FSCN2: variants seen among roughly 807,000 people sequenced by gnomAD.
FSCN2 encodes fascin-2.
In FSCN2, 46 loss-of-function variants were observed where a neutral mutation model predicts 37.8. That is an observed-to-expected ratio of 1.22 (90% confidence interval 0.96 to 1.56). FSCN2 has a LOEUF of 1.56. Among genes scored for constraint, FSCN2 ranks in the 40% most tolerant of loss-of-function variants. FSCN2 has a pLI of 0.00. For synonymous variants in FSCN2, 351 were observed against 309.4 expected, an observed-to-expected ratio of 1.13 and a Z score of -1.41; for missense variants, 844 against 730.4, an observed-to-expected ratio of 1.16 and a Z score of -1.79.
At chr17:81,524,957 CAG>C (rs1279494440), upstream of FSCN2, among the ~76,000 whole-genome samples, 41 of 151,874 alleles carry the variant, frequency 2.7e-4, no homozygotes, top group Middle Eastern at 3.4e-3. Flanking sequence ...CACCCATGGG[CAG>C]AGGCTCAGCC....
At chr17:81,528,151 C>T (rs556570641), upstream of FSCN2, among the ~76,000 whole-genome samples, 130 of 152,266 alleles carry the variant, frequency 8.5e-4, no homozygotes, top group African/African-American at 3.0e-3. Flanking sequence ...TGAAGAGGGG[C>T]GCTGGGCCCA....
the FSCN2 span, among the ~76,000 whole-genome samples, chr17:81,522,084 G>A: frequency 1.3e-5 from 2 of 151,984 alleles, no homozygotes; most frequent in African/African-American, 2.4e-5. Flanking sequence ...TCGGCTCACT[G>A]CAACCTCCGT....
rs376938035 is a variant in FSCN2, at chr17:81,536,267, G to A, written c.1105G>A (p.Gly369Ser). 96 of 1,596,710 alleles carry A rather than the reference G, an allele frequency of 6.0e-5. No homozygotes were observed. Among genetic ancestry groups the A allele is most frequent in the South Asian group, 3.9e-4 (34 of 88,282 alleles). The change falls in exon 3 of 5, where the codon GGC (glycine) becomes AGC (serine). Residue 369 changes from glycine to serine, a missense_variant and splice_region_variant. Gly to Ser is a moderately conservative substitution (Grantham distance 56). Transcript: ENST00000417245. ...GCTGGCGGCTATCAGCGATTTTGTC[G>A]GTGAGCACTCTGCCTGCCAGGTACT... ...GQLAAISDFV[G>S]KDEEFTLKLI...
Position 81,536,619 on chromosome 17 carries a change from C to T in FSCN2, c.1106-3C>T. 2 of 1,608,674 alleles carry T rather than the reference C, an allele frequency of 1.2e-6. No homozygotes were observed. The highest frequency in any genetic ancestry group is 8.5e-7 in the Non-Finnish European group (1 of 1,179,656). On this transcript the variant is annotated splice_polypyrimidine_tract_variant and splice_region_variant and intron_variant, in intron 3 of 4. Transcript: ENST00000417245. ...GCAGCGCAGCAGACGCTCTCCCCGC[C>T]AGGCAAGGACGAAGAGTTCACCCTC...
At chr17:81,532,677 ATGATAG>A (rs1453448624) in intron 1 of FSCN2, among the ~76,000 whole-genome samples, 1 of 146,558 alleles carries the variant, frequency 6.8e-6, no homozygotes, top group Admixed American at 7.4e-5. Flanking sequence ...GGCAATGGTG[ATGATAG>A]TGATGGTGAT....
chr17:81,522,601 C>T, the FSCN2 span, among the ~76,000 whole-genome samples: 26 of 152,340 alleles, frequency 1.7e-4, no homozygotes, highest in Admixed American at 7.2e-4. Context: ...TTGGTTCTTA[C>T]GTGACTGAAC....
the FSCN2 span, among the ~76,000 whole-genome samples, chr17:81,521,504 C>T: frequency 6.6e-6 from 1 of 151,790 alleles, no homozygotes; most frequent in Non-Finnish European, 1.5e-5. Context: ...CCCCAGCAGC[C>T]AGGACTACAG....
chr17:81,528,708 G>A lies in FSCN2; in HGVS notation c.177G>A (p.Leu59=), dbSNP rs782413687. 1.9e-6 allele frequency: 3 copies of A among 1,599,534 alleles called. No individual in the cohort carries two copies. The highest frequency in any genetic ancestry group is 3.3e-4 in the Middle Eastern group (2 of 6,040). Residue 59 remains leucine, a synonymous_variant, in exon 1 of 5, where the codon CTG becomes CTA. Coordinates refer to ENST00000417245, the MANE Select transcript of FSCN2 (RefSeq NM_012418.4). ...ACCCAGGACAAGGCACGGCTGTGCT[G>A]CTCCGCAGCAGCCACCTGGGCCGCT... ...EPDPGQGTAV[L]LRSSHLGRYL...
At chr17:81,526,139 G>A (rs1051788512), upstream of FSCN2, among the ~76,000 whole-genome samples, 3 of 152,354 alleles carry the variant, frequency 2.0e-5, no homozygotes, top group Middle Eastern at 3.4e-3. Flanking sequence ...ATGCCTAAGC[G>A]CCCTGCCAGC....
At chr17:81,531,557 GAT>G (rs2032605751) in intron 1 of FSCN2, among the ~76,000 whole-genome samples, 1 of 145,668 alleles carries the variant, frequency 6.9e-6, no homozygotes, top group Admixed American at 6.9e-5. Flanking sequence ...TGATGGCGAT[GAT>G]GGTGATGATA....
chr17:81,530,691 T>A (rs782084983), intron 1 of FSCN2: 2 of 477,510 alleles, frequency 4.2e-6, no homozygotes, highest in South Asian at 1.5e-5. Context: ...CTGGGTACAC[T>A]GACACTCTGG....
In FSCN2 at chr17:81,531,153, GTGATGGTGA is replaced by G. The variant is rs1431146864; in HGVS notation, c.826+1805_826+1813del. ...TGTGGTGGCAGCAGCGACAATGATG[GTGATGGTGA>G]TGATGGTGGTGATGGTGATGATGGT... On this transcript the variant is annotated intron_variant, in intron 1 of 4. Transcript: ENST00000417245. Among the ~76,000 whole-genome samples the G allele has an allele frequency of 1.9e-4, 28 of 144,554 alleles. No homozygotes were observed. The East Asian group carries it at 2.4e-3, about 13-fold the overall frequency. The allele number at this position is 144,554 out of a possible 152,430, so 94.8% of individuals were successfully genotyped here.
intron 1 of FSCN2, among the ~76,000 whole-genome samples, chr17:81,533,995 CCCAGGCAGCTGCTTTTAGTTCAGTATTTG>C (rs1170808049): frequency 6.6e-6 from 1 of 152,194 alleles, no homozygotes; most frequent in Non-Finnish European, 1.5e-5. Context: ...CTCCACTGGG[CCCAGGCAGCTGCTTTTAGTTCAGTATTTG>C]CCAGGATCTA....
At chr17:81,524,559 G>A (rs1211237066), upstream of FSCN2, among the ~76,000 whole-genome samples, 1 of 152,230 alleles carries the variant, frequency 6.6e-6, no homozygotes, top group East Asian at 1.9e-4. Flanking sequence ...GCAGGCACGT[G>A]TGTATCCCAT....
In FSCN2 at chr17:81,536,145, G is replaced by A. The variant is rs1456944842; in HGVS notation, c.984-1G>A. 6.2e-6 allele frequency: 10 copies of A among 1,607,340 alleles called. No individual in the cohort carries two copies. Among genetic ancestry groups the A allele is most frequent in the East Asian group, 4.5e-5 (2 of 44,676 alleles). On this transcript the variant is annotated splice_acceptor_variant, in intron 2 of 4. Coordinates refer to ENST00000417245, the MANE Select transcript of FSCN2 (RefSeq NM_012418.4). LOFTEE classifies it high-confidence loss of function. Reference sequence around the variant, plus strand: ...AGGAGACCTTTTGCTGCTCCCTCCAGTTCTGCCAACACCATGTTTGAGATG... The same window carrying A: ...AGGAGACCTTTTGCTGCTCCCTCCAATTCTGCCAACACCATGTTTGAGATG...
At chr17:81,532,242 G>C (rs1161642082) in intron 1 of FSCN2, among the ~76,000 whole-genome samples, 1 of 137,036 alleles carries the variant, frequency 7.3e-6, no homozygotes, top group African/African-American at 2.8e-5. Flanking sequence ...GGTGATGATG[G>C]TGATGGTGAT....
chr17:81,535,369 T>C (rs1248679813), intron 2 of FSCN2, among the ~76,000 whole-genome samples, 161 bp downstream of exon 2: 2 of 129,104 alleles, frequency 1.5e-5, no homozygotes, highest in East Asian at 4.6e-4. Context: ...ACCATCTCCA[T>C]CACCATCATC....
upstream of FSCN2, among the ~76,000 whole-genome samples, chr17:81,524,627 G>T (rs2032293529): frequency 6.6e-6 from 1 of 152,206 alleles, no homozygotes; most frequent in Non-Finnish European, 1.5e-5. Flanking sequence ...GAGGGTCAGT[G>T]GGAGGGGTGC....
chr17:81,532,281 GTGA>G (rs1306719482), intron 1 of FSCN2, among the ~76,000 whole-genome samples: 3 of 135,528 alleles, frequency 2.2e-5, no homozygotes, highest in Non-Finnish European at 1.5e-5. Flanking sequence ...GGTGGTGATG[GTGA>G]TGGTGGTGAT....
Sources: gnomAD v4.1 joint callset for allele counts (sites outside exome capture counted in the v4.1 genomes callset) on GRCh38, gnomAD v4.1.1 for gene constraint, MANE v1.5 for transcripts, NCBI Gene and HGNC (gene_info 2026-07-23, HGNC 2026-07-21) for gene names.